The following COL1A2 variants were observed in gnomAD, a reference collection of about 807,000 sequenced individuals.
COL1A2 encodes the protein collagen type I alpha 2 chain, also known as collagen alpha-2(I) chain.
A neutral mutation model predicts 174.3 loss-of-function variants in COL1A2; 49 were observed. The observed-to-expected ratio is 0.28, with a 90% CI of 0.22 to 0.36. The LOEUF (loss-of-function observed/expected upper bound fraction) is 0.36, where lower values mean the gene tolerates loss of function less well. Ranked by LOEUF, COL1A2 falls within the 10% of genes least tolerant of loss-of-function variation. COL1A2 has a pLI of 1.00. For missense variants in COL1A2, 1,438 were observed against 1,822.7 expected, an observed-to-expected ratio of 0.79 and a Z score of 3.84; for synonymous variants, 655 against 606.6, an observed-to-expected ratio of 1.08 and a Z score of -1.17.
chr7:94,406,357 G>C, intron 12 of COL1A2, 54 bp downstream of exon 12: 1 of 1,548,754 alleles, frequency 6.5e-7, no homozygotes, highest in Non-Finnish European at 8.9e-7. Context: ...AATTCCCCAT[G>C]ACCTCCAAAA....
At chr7:94,421,822 A>C in intron 38 of COL1A2, 77 bp from the exon 39 acceptor site, 1 of 1,438,380 alleles carries the variant, frequency 7.0e-7, no homozygotes, top group Non-Finnish European at 9.7e-7. Flanking sequence ...TGATTTTCCA[A>C]AACAAAGAAA....
chr7:94,395,179 C>T, intron 1 of COL1A2, 78 bp downstream of exon 1: 1 of 1,183,242 alleles, frequency 8.5e-7, no homozygotes, highest in Non-Finnish European at 1.3e-6. Context: ...AAAAGGAAAA[C>T]CTGTAACCTG....
intron 23 of COL1A2, 88 bp downstream of exon 23, chr7:94,411,242 A>G: frequency 9.4e-7 from 1 of 1,065,186 alleles, no homozygotes; most frequent in South Asian, 1.4e-5. Flanking sequence ...AACAATAAAA[A>G]CATCAAAAGT....
At chr7:94,418,593 T>A in intron 33 of COL1A2, 41 bp downstream of exon 33, 1 of 1,461,662 alleles carries the variant, frequency 6.8e-7, no homozygotes, top group South Asian at 1.2e-5. Context: ...GTACTTGGAT[T>A]TTTTTTTTAT....
In COL1A2 at chr7:94,404,597, C is replaced by A. The variant is rs755872541; in HGVS notation, c.321C>A (p.Ala107=). 2 of 1,613,868 alleles carry A rather than the reference C, an allele frequency of 1.2e-6. No individual in the cohort carries two copies. The highest frequency in any genetic ancestry group is 2.2e-5 in the South Asian group (2 of 91,064). Reference sequence around the variant, plus strand: ...GAGGCCCACCTGGTGCAGCTGGAGCCCCAGTAAGTACTGAAAGCTTGTAAT... The same window carrying A: ...GAGGCCCACCTGGTGCAGCTGGAGCACCAGTAAGTACTGAAAGCTTGTAAT... The part of the protein sequence containing the change: ...GPRGPPGAAG[A]PGPQGFQGPA... Residue 107 remains alanine (A), a synonymous_variant, in exon 7 of 52, where the codon GCC becomes GCA. Coordinates refer to ENST00000297268, the MANE Select transcript of COL1A2 (RefSeq NM_000089.4).
In COL1A2 at chr7:94,430,485, C is replaced by T. The variant is rs1341010555; in HGVS notation, c.*92C>T. On this transcript the variant is annotated 3_prime_UTR_variant, in exon 52 of 52. Coordinates refer to ENST00000297268, the MANE Select transcript of COL1A2 (RefSeq NM_000089.4). ...TTCTTTTTTAACTGAAAGCTGAATC[C>T]TTCCATTTCTTCTGCACATCTACTT... The T allele has an allele frequency of 1.8e-5, 23 of 1,306,482 alleles. No individual in the cohort carries two copies. Among genetic ancestry groups the T allele is most frequent in the Non-Finnish European group, 2.4e-5 (22 of 920,696 alleles). The allele number at this position is 1,306,482 out of a possible 1,614,324, so 80.9% of individuals were successfully genotyped here.
chr7:94,408,149 T>G (rs1237156437), intron 13 of COL1A2, 34 bp from the exon 14 acceptor site: 17 of 1,608,920 alleles, frequency 1.1e-5, no homozygotes, highest in Non-Finnish European at 1.4e-5. Flanking sequence ...TAAATTAGCA[T>G]TCTGGATTTT....
chr7:94,397,810 A>G, intron 2 of COL1A2, 52 bp downstream of exon 2: 2 of 1,052,872 alleles, frequency 1.9e-6, no homozygotes, highest in Non-Finnish European at 2.9e-6. Flanking sequence ...TCCCTTGGCT[A>G]CAGTGATGTC....
intron 12 of COL1A2, 61 bp from the exon 13 acceptor site, chr7:94,407,786 C>T (rs759883262): frequency 1.4e-6 from 2 of 1,456,832 alleles, no homozygotes; most frequent in Non-Finnish European, 1.9e-6. Context: ...AGTAAAATTG[C>T]ACTATCAGGA....
chr7:94,430,447 C>A lies in COL1A2; in HGVS notation c.*54C>A. 6.4e-7 allele frequency: 1 copy of A among 1,568,622 alleles called. No homozygotes were observed. Among genetic ancestry groups the A allele is most frequent in the Admixed American group, 1.7e-5 (1 of 59,240 alleles). ...GAAATTTGAAAAAACTTTCTCTTTG[C>A]CATTTCTTCTTCTTCTTTTTTAACT... On this transcript the variant is annotated 3_prime_UTR_variant, in exon 52 of 52. Transcript: ENST00000297268.
At chr7:94,424,532 AACTTC>A in intron 41 of COL1A2, 89 bp downstream of exon 41, 2 of 1,167,940 alleles carry the variant, frequency 1.7e-6, no homozygotes, top group South Asian at 1.2e-5. Context: ...ATCACTGAAT[AACTTC>A]ACTTAAGATT....
Position 94,399,119 on chromosome 7 carries a change from C to T in COL1A2, c.132+35C>T, listed in dbSNP as rs750588505. The T allele has an allele frequency of 7.6e-6, 12 of 1,588,446 alleles. 1 individual carries two copies. The highest frequency in any genetic ancestry group is 2.2e-5 in the East Asian group (1 of 44,694). ...TTTTGAACTATAAAGGGCTTCGTCCCGTATTTGAATAACTATATGTTAGAA... is the reference window on the plus strand; with the variant it reads ...TTTTGAACTATAAAGGGCTTCGTCCTGTATTTGAATAACTATATGTTAGAA... On this transcript the variant is annotated intron_variant, in intron 4 of 51. Coordinates refer to ENST00000297268, the MANE Select transcript of COL1A2 (RefSeq NM_000089.4).
At chr7:94,422,857 C>T in intron 39 of COL1A2, 100 bp from the exon 40 acceptor site, 1 of 1,371,130 alleles carries the variant, frequency 7.3e-7, no homozygotes, top group Non-Finnish European at 1.0e-6. Context: ...TATTTTATTG[C>T]ATCACATTGT....
At chr7:94,405,050 C>A in intron 9 of COL1A2, 149 bp from the exon 10 acceptor site, 1 of 1,061,062 alleles carries the variant, frequency 9.4e-7, no homozygotes, top group Non-Finnish European at 1.4e-6. Flanking sequence ...TATTAACTAA[C>A]CTACTTGTAT....
chr7:94,416,418 C>T lies in COL1A2; in HGVS notation c.1778C>T (p.Pro593Leu). Residue 593 changes from proline to leucine, a missense_variant, in exon 31 of 52, where the codon CCC becomes CTC. Physicochemically the swap from Pro to Leu is moderately conservative, Grantham distance 98. Transcript: ENST00000297268. ...CACTTTTTTCAGGGGGAACGCGGTC[C>T]CCCAGGTGAGAGTGGTGCTGCCGGT... ...GPAGPRGERG[P>L]PGESGAAGPT... is the part of the protein sequence containing the mutation. The T allele has an allele frequency of 1.9e-6, 3 of 1,578,372 alleles. No individual in the cohort carries two copies. The highest frequency in any genetic ancestry group is 2.6e-6 in the Non-Finnish European group (3 of 1,161,144).
In COL1A2 at chr7:94,395,024, T is replaced by G; in HGVS notation, c.-8T>G. ...GACACAAGGAGTCTGCATGTCTAAG[T>G]GCTAGACATGCTCAGCTTTGTGGAT... is the stretch of plus-strand genomic sequence containing the variant. On this transcript the variant is annotated 5_prime_UTR_variant, in exon 1 of 52. Coordinates refer to ENST00000297268, the MANE Select transcript of COL1A2 (RefSeq NM_000089.4). 6.2e-7 allele frequency: 1 copy of G among 1,612,674 alleles called. No individual in the cohort carries two copies. The highest frequency in any genetic ancestry group is 8.5e-7 in the Non-Finnish European group (1 of 1,179,252).
At chr7:94,412,970 G>A in intron 25 of COL1A2, 113 bp from the exon 26 acceptor site, 1 of 1,014,608 alleles carries the variant, frequency 9.9e-7, no homozygotes, top group Non-Finnish European at 1.6e-6. Context: ...ACAGACTAGG[G>A]ATCTCAAAAG....
intron 34 of COL1A2, 93 bp from the exon 35 acceptor site, chr7:94,420,140 A>G: frequency 1.3e-6 from 2 of 1,537,490 alleles, no homozygotes; most frequent in Non-Finnish European, 1.8e-6. Context: ...GCAACTACAG[A>G]CTCTGTCTGT....
At chr7:94,418,356 G>A in intron 32 of COL1A2, 143 bp from the exon 33 acceptor site, 1 of 684,488 alleles carries the variant, frequency 1.5e-6, no homozygotes, top group Non-Finnish European at 2.6e-6. Flanking sequence ...CTACAGAATG[G>A]TAAGGAATCG....
Sources: gnomAD v4.1 joint callset for allele counts on GRCh38, gnomAD v4.1.1 for gene constraint, MANE v1.5 for transcripts, NCBI Gene and HGNC (gene_info 2026-07-23, HGNC 2026-07-21) for gene names.